PLEKHD1: variants seen among roughly 807,000 people sequenced by gnomAD.
PLEKHD1 encodes pleckstrin homology and coiled-coil domain containing D1.
PLEKHD1 carries 51 observed loss-of-function variants against 69.2 expected under a neutral mutation model. That is an observed-to-expected ratio of 0.74 (90% confidence interval 0.59 to 0.93). The LOEUF (loss-of-function observed/expected upper bound fraction) is 0.93, where lower values mean the gene tolerates loss of function less well. Ranked by LOEUF, PLEKHD1 falls within the 40% of genes least tolerant of loss-of-function variation. The probability of loss-of-function intolerance (pLI) is 0.00; values close to 1 mark genes in which losing one functional copy is unlikely to be tolerated. For missense variants in PLEKHD1, 584 were observed against 641.0 expected (o/e 0.91, Z 0.96); for synonymous variants, 236 against 244.7 (o/e 0.96, Z 0.33).
intron 1 of PLEKHD1, among the ~76,000 whole-genome samples, chr14:69,498,615 T>TCC (rs71395635): frequency 7.0e-6 from 1 of 143,880 alleles, no homozygotes; most frequent in Admixed American, 7.0e-5. Context: ...TCTCTTCTCT[T>TCC]CTCTTCTCTT....
chr14:69,527,159 C>A, intron 10 of PLEKHD1, 29 bp from the exon 11 acceptor site: 2 of 1,508,150 alleles, frequency 1.3e-6, no homozygotes, highest in Non-Finnish European at 1.8e-6. Flanking sequence ...GACCTGACTT[C>A]CTTCTCATTT....
At chr14:69,480,362 G>A (rs906154628), upstream of PLEKHD1, among the ~76,000 whole-genome samples, 2 of 152,256 alleles carry the variant, frequency 1.3e-5, no homozygotes, top group Admixed American at 6.5e-5. Flanking sequence ...ACAGATGCCG[G>A]TGCTGAAGCC....
rs528609408 is a variant in PLEKHD1, at chr14:69,510,963, C to A, written c.555+8084C>A. The stretch of plus-strand genomic sequence containing the variant: ...CTAGTTTGTTGAGAGTTTTCATCAT[C>A]AATTGGTGTTGGATTTTGTCAAATG... On this transcript the variant is annotated intron_variant, in intron 6 of 12. Transcript: ENST00000322564. Among the ~76,000 whole-genome samples, 352 of 152,268 alleles carry A rather than the reference C, an allele frequency of 2.3e-3. 1 individual carries two copies. Among genetic ancestry groups the A allele is most frequent in the African/African-American group, 8.2e-3 (339 of 41,556 alleles).
chr14:69,509,110 C>T (rs947553612), intron 6 of PLEKHD1, among the ~76,000 whole-genome samples: 7 of 152,172 alleles, frequency 4.6e-5, no homozygotes, highest in African/African-American at 1.7e-4. Context: ...AGTGATCCTC[C>T]CACTTTGGCC....
chr14:69,479,918 C>G (rs77905164), upstream of PLEKHD1, among the ~76,000 whole-genome samples: 2 of 152,164 alleles, frequency 1.3e-5, no homozygotes, highest in South Asian at 2.1e-4. Flanking sequence ...AGGTCAGTCT[C>G]CATTTGTTTG....
rs77764463 is a variant in PLEKHD1, at chr14:69,485,690, A to G, written c.149+576A>G. ...GGCAACCCCTCCAACTGTCCCTTGA[A>G]ATAATTTTTTTAAAAGTGAGCACAG... On this transcript the variant is annotated intron_variant, in intron 1 of 12. Transcript: ENST00000322564. Among the ~76,000 whole-genome samples the G allele has an allele frequency of 6.5e-3, 996 of 152,304 alleles. 17 individuals are homozygous for G. The highest frequency in any genetic ancestry group is 0.023 in the African/African-American group (960 of 41,556).
At chr14:69,518,299 C>T (rs1271954099) in intron 6 of PLEKHD1, among the ~76,000 whole-genome samples, 1 of 152,108 alleles carries the variant, frequency 6.6e-6, no homozygotes, top group African/African-American at 2.4e-5. Context: ...CCTCGGCCTC[C>T]CATGGTGCTA....
intron 1 of PLEKHD1, among the ~76,000 whole-genome samples, chr14:69,491,685 A>G (rs1451959440): frequency 6.6e-6 from 1 of 152,086 alleles, no homozygotes; most frequent in Non-Finnish European, 1.5e-5. Flanking sequence ...TTGGCTCCAG[A>G]TGGGCTTATC....
In PLEKHD1 at chr14:69,528,567, G is replaced by C; in HGVS notation, c.*148G>C. 8.9e-7 allele frequency: 1 copy of C among 1,127,964 alleles called. No individual in the cohort carries two copies. The highest frequency in any genetic ancestry group is 1.2e-6 in the Non-Finnish European group (1 of 817,936). 69.9% of individuals were successfully genotyped at this position (1,127,964 alleles called of 1,614,324 possible). Reference sequence around the variant, plus strand: ...GGGCCGGAGCTCCACTTGGGGGCCAGCCTTGCCCTCAAAGGACATGGACGC... The same window carrying C: ...GGGCCGGAGCTCCACTTGGGGGCCACCCTTGCCCTCAAAGGACATGGACGC... On this transcript the variant is annotated 3_prime_UTR_variant, in exon 13 of 13. Coordinates refer to ENST00000322564, the MANE Select transcript of PLEKHD1 (RefSeq NM_001161498.2).
chr14:69,514,570 C>G (rs535961201), intron 6 of PLEKHD1, among the ~76,000 whole-genome samples: 1 of 152,262 alleles, frequency 6.6e-6, no homozygotes, highest in African/African-American at 2.4e-5. Flanking sequence ...CATATCTAAT[C>G]TGGTTCTGAT....
At chr14:69,476,994 TTTTATTTA>T in the PLEKHD1 span, among the ~76,000 whole-genome samples, 409 of 149,472 alleles carry the variant, frequency 2.7e-3, 2 homozygotes, top group African/African-American at 9.5e-3. Flanking sequence ...CTCCCCTTTA[TTTTATTTA>T]TTTATTTATT....
At chr14:69,527,440 T>G in intron 11 of PLEKHD1, 108 bp downstream of exon 11, 1 of 1,451,388 alleles carries the variant, frequency 6.9e-7, no homozygotes. Flanking sequence ...AGGCATGAGG[T>G]GCTCCCTGGA....
intron 6 of PLEKHD1, among the ~76,000 whole-genome samples, chr14:69,520,481 T>C (rs937136285): frequency 3.3e-5 from 5 of 151,866 alleles, no homozygotes; most frequent in African/African-American, 4.8e-5. Context: ...AGAAGAAAAT[T>C]TTATTGGGAG....
rs995789995 is a variant in PLEKHD1 at position 69,485,163 on chromosome 14, G to A, written c.149+49G>A. ...GGAGACCGCCGGGGAGAGAGCCTGG[G>A]CGTCGTTACCCCTCCCACCCCCTCC... On this transcript the variant is annotated intron_variant, in intron 1 of 12. Transcript: ENST00000322564. 3 of 1,529,644 alleles carry A rather than the reference G, an allele frequency of 2.0e-6. No individual in the cohort carries two copies. In the African/African-American group the frequency reaches 4.1e-5, roughly 21 times the overall value. The allele number at this position is 1,529,644 out of a possible 1,614,324, so 94.8% of individuals were successfully genotyped here. A position where few individuals can be genotyped will look rare whatever the true frequency, so the allele number is the denominator to read the frequency against.
chr14:69,501,647 C>G, intron 4 of PLEKHD1, 87 bp from the exon 5 acceptor site: 38 of 974,568 alleles, frequency 3.9e-5, no homozygotes, highest in Non-Finnish European at 5.5e-5. Context: ...AAAACGTATG[C>G]CTTCTCTTTC....
intron 6 of PLEKHD1, among the ~76,000 whole-genome samples, 156 bp from the exon 7 acceptor site, chr14:69,522,127 G>T: frequency 6.6e-6 from 1 of 152,156 alleles, no homozygotes; most frequent in East Asian, 1.9e-4. Flanking sequence ...TCAATGAGTG[G>T]GGCCAGCGGG....
At chr14:69,473,341 C>T in the PLEKHD1 span, among the ~76,000 whole-genome samples, 4 of 151,902 alleles carry the variant, frequency 2.6e-5, no homozygotes, top group Non-Finnish European at 4.4e-5. Context: ...CCCACCCTCC[C>T]ACCAACCCTC....
chr14:69,498,648 C>A (rs1882950122), intron 1 of PLEKHD1, among the ~76,000 whole-genome samples: 1 of 138,932 alleles, frequency 7.2e-6, no homozygotes, highest in Non-Finnish European at 1.6e-5. Context: ...CTTCTCTTCT[C>A]TTCTCTTCTC....
At chr14:69,514,839 C>G (rs1883348352) in intron 6 of PLEKHD1, among the ~76,000 whole-genome samples, 1 of 152,078 alleles carries the variant, frequency 6.6e-6, no homozygotes, top group Non-Finnish European at 1.5e-5. Context: ...TGGTATTTCC[C>G]TTCCCCCAAG....
Sources: gnomAD v4.1 joint callset for allele counts (sites outside exome capture counted in the v4.1 genomes callset) on GRCh38, gnomAD v4.1.1 for gene constraint, MANE v1.5 for transcripts, NCBI Gene and HGNC (gene_info 2026-07-23, HGNC 2026-07-21) for gene names.